The following SIDT1 variants were observed in gnomAD, a reference collection of about 807,000 sequenced individuals.
SIDT1 encodes SID1 transmembrane family, member 1.
Under a neutral mutation model 107.5 loss-of-function variants are expected in SIDT1, and 101 were observed. The ratio of observed to expected loss-of-function variants is 0.94; its 90% CI spans 0.80 to 1.11. The LOEUF (loss-of-function observed/expected upper bound fraction) is 1.11, where lower values mean the gene tolerates loss of function less well. Among genes scored for constraint, SIDT1 ranks in the 50% least tolerant of loss-of-function variants. The pLI, the probability that SIDT1 is intolerant of heterozygous loss-of-function variation, is 0.00. For missense variants in SIDT1, 1,076 were observed against 1,058.2 expected (o/e 1.02, Z -0.23); for synonymous variants, 395 against 398.2 (o/e 0.99, Z 0.10).
chr3:113,601,563 T>C, intron 10 of SIDT1, 25 bp from the exon 11 acceptor site: 2 of 1,560,384 alleles, frequency 1.3e-6, no homozygotes, highest in South Asian at 1.1e-5. Context: ...ACATAAAGTG[T>C]TTGCCTCTTC....
intron 10 of SIDT1, among the ~76,000 whole-genome samples, chr3:113,600,762 T>G (rs932473566): frequency 1.3e-5 from 2 of 152,220 alleles, no homozygotes; most frequent in Non-Finnish European, 2.9e-5. Flanking sequence ...TTTCTTTGAT[T>G]TGAAGTTGGT....
intron 1 of SIDT1, among the ~76,000 whole-genome samples, chr3:113,541,829 A>G (rs905080951): frequency 1.3e-5 from 2 of 151,308 alleles, no homozygotes; most frequent in African/African-American, 4.9e-5. Context: ...TTCCCTTATA[A>G]GTAACTTTAC....
At chr3:113,596,209 T>C (rs1944536327) in intron 10 of SIDT1, among the ~76,000 whole-genome samples, 1 of 152,208 alleles carries the variant, frequency 6.6e-6, no homozygotes, top group East Asian at 1.9e-4. Context: ...GCTAGATATC[T>C]GTGGAACTTA....
intron 23 of SIDT1, among the ~76,000 whole-genome samples, chr3:113,624,045 T>C (rs1265503117): frequency 6.6e-6 from 1 of 152,202 alleles, no homozygotes; most frequent in African/African-American, 2.4e-5. Context: ...TTCTCATCTT[T>C]CTCATAATCT....
At chr3:113,548,326 T>C (rs766068363) in intron 1 of SIDT1, among the ~76,000 whole-genome samples, 1 of 152,134 alleles carries the variant, frequency 6.6e-6, no homozygotes, top group East Asian at 1.9e-4. Flanking sequence ...GTATCCACCA[T>C]TATGGTACTG....
chr3:113,615,197 G>C, intron 19 of SIDT1: 3 of 1,056,616 alleles, frequency 2.8e-6, no homozygotes, highest in Non-Finnish European at 2.8e-6. Context: ...GACTCCGTGG[G>C]AGTGGGGAGC....
intron 3 of SIDT1, among the ~76,000 whole-genome samples, chr3:113,573,895 G>A (rs1000511598): frequency 3.3e-5 from 5 of 152,208 alleles, no homozygotes; most frequent in Admixed American, 2.6e-4. Flanking sequence ...AAGACAGGAG[G>A]TGACTCTTAC....
At chr3:113,569,447 G>T (rs1200688812) in intron 3 of SIDT1, among the ~76,000 whole-genome samples, 5 of 152,156 alleles carry the variant, frequency 3.3e-5, no homozygotes, top group African/African-American at 1.2e-4. Flanking sequence ...TGATCAGAAA[G>T]TTTGGTTCTA....
In SIDT1 at chr3:113,617,758, G is replaced by C. The variant is rs145994128; in HGVS notation, c.2043+1582G>C. Among the ~76,000 whole-genome samples the C allele has an allele frequency of 2.2e-4, 33 of 152,226 alleles. No homozygotes were observed. In the East Asian group the frequency reaches 6.4e-3, roughly 29 times the overall value. ...TTGATAGAGGCTTCCTTTTTTAATA[G>C]ACTTTATATTTTTTTAGAGCAGCTT... On this transcript the variant is annotated intron_variant, in intron 20 of 24. Transcript: ENST00000264852.
At chr3:113,612,563 CA>C (rs1223757776) in intron 19 of SIDT1, among the ~76,000 whole-genome samples, 3 of 152,170 alleles carry the variant, frequency 2.0e-5, no homozygotes, top group Non-Finnish European at 1.5e-5. Flanking sequence ...TTGCAGCATT[CA>C]AAGGGAGCAT....
intron 10 of SIDT1, among the ~76,000 whole-genome samples, chr3:113,600,702 T>C (rs566560882): frequency 7.2e-5 from 11 of 152,360 alleles, no homozygotes; most frequent in African/African-American, 2.4e-4. Context: ...GCACTGTTAC[T>C]GTGCTCGAAA....
At chr3:113,633,555 A>G (rs1947106550), downstream of SIDT1, among the ~76,000 whole-genome samples, 1 of 152,176 alleles carries the variant, frequency 6.6e-6, no homozygotes, top group South Asian at 2.1e-4. Context: ...CCTAAAAGCT[A>G]TGAATGTGGA....
At position 113,616,195 on chromosome 3, in the gene SIDT1, G is replaced by A; in HGVS notation, c.2043+19G>A. 6.3e-7 allele frequency: 1 copy of A among 1,581,640 alleles called. No homozygotes were observed. Among genetic ancestry groups the A allele is most frequent in the Non-Finnish European group, 8.7e-7 (1 of 1,150,492 alleles). Reference sequence around the variant, plus strand: ...ATATATGGTATGTGCATGTTCCTGTGTTCTTTGGCCCTGTCCCAGAAAGCA... The same window carrying A: ...ATATATGGTATGTGCATGTTCCTGTATTCTTTGGCCCTGTCCCAGAAAGCA... On this transcript the variant is annotated intron_variant, in intron 20 of 24. Transcript: ENST00000264852.
At chr3:113,590,938 T>A (rs1228969409) in intron 9 of SIDT1, among the ~76,000 whole-genome samples, 1 of 152,236 alleles carries the variant, frequency 6.6e-6, no homozygotes, top group Non-Finnish European at 1.5e-5. Flanking sequence ...CCTGTGAATA[T>A]GTTACCTTAC....
At chr3:113,557,168 T>G (rs572838395) in intron 1 of SIDT1, among the ~76,000 whole-genome samples, 1 of 152,328 alleles carries the variant, frequency 6.6e-6, no homozygotes, top group South Asian at 2.1e-4. Flanking sequence ...TAACTGGCTT[T>G]GTCTGCTCAG....
intron 4 of SIDT1, among the ~76,000 whole-genome samples, chr3:113,578,128 T>C (rs1943049109): frequency 6.6e-6 from 1 of 152,164 alleles, no homozygotes; most frequent in Non-Finnish European, 1.5e-5. Flanking sequence ...CAAGAAATAT[T>C]TTAAAAGCAC....
Position 113,616,181 on chromosome 3 carries a change from G to A in SIDT1, c.2043+5G>A. On this transcript the variant is annotated splice_donor_5th_base_variant and intron_variant, in intron 20 of 24. Transcript: ENST00000264852. ...TGTAGCCGACCTCTATATATGGTATGTGCATGTTCCTGTGTTCTTTGGCCC... is the reference window on the plus strand; with the variant it reads ...TGTAGCCGACCTCTATATATGGTATATGCATGTTCCTGTGTTCTTTGGCCC... 1.2e-6 allele frequency: 2 copies of A among 1,606,250 alleles called. No homozygotes were observed. The highest frequency in any genetic ancestry group is 1.1e-5 in the South Asian group (1 of 90,894).
chr3:113,583,985 A>G (rs1170355240), intron 7 of SIDT1, among the ~76,000 whole-genome samples: 1 of 152,222 alleles, frequency 6.6e-6, no homozygotes, highest in Non-Finnish European at 1.5e-5. Flanking sequence ...CCCAACTGCT[A>G]CAACTTATCC....
chr3:113,561,875 G>A (rs573691507), intron 1 of SIDT1, among the ~76,000 whole-genome samples: 1 of 152,286 alleles, frequency 6.6e-6, no homozygotes, highest in South Asian at 2.1e-4. Flanking sequence ...AAGAAGGGAG[G>A]AGGAGGTTGC....
Sources: gnomAD v4.1 joint callset for allele counts (sites outside exome capture counted in the v4.1 genomes callset) on GRCh38, gnomAD v4.1.1 for gene constraint, MANE v1.5 for transcripts, NCBI Gene and HGNC (gene_info 2026-07-23, HGNC 2026-07-21) for gene names.